Variants in MPPED1 observed in about 807,000 individuals in gnomAD.
The protein encoded by MPPED1 is metallophosphoesterase domain-containing protein 1.
In MPPED1, 16 loss-of-function variants were observed where a neutral mutation model predicts 36.2. The ratio of observed to expected loss-of-function variants is 0.44; its 90% CI spans 0.30 to 0.67. MPPED1 has a LOEUF of 0.67. Among genes scored for constraint, MPPED1 ranks in the 30% least tolerant of loss-of-function variants. MPPED1 has a pLI of 0.10. For synonymous variants in MPPED1, 199 were observed against 191.3 expected (o/e 1.04, Z -0.33); for missense variants, 307 against 453.4 (o/e 0.68, Z 2.93).
rs565547773 is a variant in MPPED1 at position 43,416,191 on chromosome 22, T to C, written c.-79+4033T>C. On this transcript the variant is annotated intron_variant, in intron 1 of 6. Coordinates refer to ENST00000443721, the MANE Select transcript of MPPED1 (RefSeq NM_001044370.2). ...TGGGTTCCCTGCACAATGCAGTGGT[T>C]GGGGGCTGGTGAGAATGGAGTTTTG... 2.0e-5 allele frequency among the ~76,000 whole-genome samples: 3 copies of C among 152,350 alleles called. No homozygotes were observed. The South Asian group carries it at 6.2e-4, about 32-fold the overall frequency.
chr22:43,451,718 C>T (rs2146854753), intron 3 of MPPED1, among the ~76,000 whole-genome samples: 1 of 152,360 alleles, frequency 6.6e-6, no homozygotes, highest in East Asian at 1.9e-4. Flanking sequence ...GCCGCACCCC[C>T]TTAAAACTCT....
intron 3 of MPPED1, among the ~76,000 whole-genome samples, chr22:43,437,280 A>T (rs12160442): frequency 4.6e-5 from 7 of 152,092 alleles, no homozygotes; most frequent in Non-Finnish European, 8.8e-5. Flanking sequence ...CGTTTTTTCT[A>T]TGAAGCTCAG....
intron 3 of MPPED1, among the ~76,000 whole-genome samples, chr22:43,446,613 G>C (rs1250438570): frequency 1.3e-5 from 2 of 152,318 alleles, no homozygotes; most frequent in Non-Finnish European, 2.9e-5. Flanking sequence ...ACTGAGTCCA[G>C]ATGGGGGATG....
chr22:43,485,310 ACATATT>A (rs2146897774), intron 4 of MPPED1, among the ~76,000 whole-genome samples: 1 of 152,038 alleles, frequency 6.6e-6, no homozygotes, highest in Admixed American at 6.5e-5. Flanking sequence ...ACAACCACAC[ACATATT>A]CATAGACACA....
intron 2 of MPPED1, among the ~76,000 whole-genome samples, chr22:43,426,004 G>A (rs562447560): frequency 2.6e-5 from 4 of 152,262 alleles, no homozygotes; most frequent in African/African-American, 4.8e-5. Context: ...AGAGGTGGTC[G>A]AGCTCCTGGC....
At chr22:43,455,185 C>T (rs770771465) in intron 3 of MPPED1, among the ~76,000 whole-genome samples, 2 of 144,710 alleles carry the variant, frequency 1.4e-5, no homozygotes, top group Non-Finnish European at 3.0e-5. Context: ...TCTCGGCCCA[C>T]AGCAACCTCT....
At chr22:43,469,427 C>T (rs1366288079) in intron 3 of MPPED1, among the ~76,000 whole-genome samples, 1 of 36,688 alleles carries the variant, frequency 2.7e-5, no homozygotes, top group Non-Finnish European at 7.1e-5. Flanking sequence ...GCAAGCGAGC[C>T]TCTAATGATT....
intron 3 of MPPED1, among the ~76,000 whole-genome samples, chr22:43,436,600 C>T (rs1268299689): frequency 6.6e-6 from 1 of 152,266 alleles, no homozygotes; most frequent in Non-Finnish European, 1.5e-5. Context: ...GGGATTCTCC[C>T]CTTGCCCACA....
At chr22:43,433,435 T>C (rs1929836576) in intron 2 of MPPED1, among the ~76,000 whole-genome samples, 1 of 43,040 alleles carries the variant, frequency 2.3e-5, no homozygotes, top group Non-Finnish European at 6.7e-5. Context: ...TTGTATTCAG[T>C]GAATGAGTGA....
At position 43,424,971 on chromosome 22, in the gene MPPED1, G is replaced by A. The variant is rs761411620; in HGVS notation, c.-15G>A. On this transcript the variant is annotated 5_prime_UTR_variant, in exon 2 of 7. Transcript: ENST00000443721. Reference sequence around the variant, plus strand: ...CGGCAGCGGTGGGAGATGCCGGGGCGGCCGGCGGAGGTCCATGTGGCGCTC... The same window carrying A: ...CGGCAGCGGTGGGAGATGCCGGGGCAGCCGGCGGAGGTCCATGTGGCGCTC... The A allele has an allele frequency of 8.9e-6, 14 of 1,567,152 alleles. No homozygotes were observed. The highest frequency in any genetic ancestry group is 8.1e-5 in the African/African-American group (6 of 73,710).
At chr22:43,436,526 C>T (rs1000054780) in intron 3 of MPPED1, among the ~76,000 whole-genome samples, 6 of 152,256 alleles carry the variant, frequency 3.9e-5, no homozygotes, top group Non-Finnish European at 7.3e-5. Context: ...AAATTCTAAT[C>T]AAAGGCCCTG....
chr22:43,461,750 T>C (rs1168942026), intron 3 of MPPED1, among the ~76,000 whole-genome samples: 1 of 152,216 alleles, frequency 6.6e-6, no homozygotes, highest in Non-Finnish European at 1.5e-5. Flanking sequence ...GTCTAAGTGG[T>C]TGTGACTGAG....
intron 3 of MPPED1, among the ~76,000 whole-genome samples, chr22:43,443,910 T>C (rs907988536): frequency 6.6e-6 from 1 of 152,210 alleles, no homozygotes; most frequent in African/African-American, 2.4e-5. Flanking sequence ...CCAGGGATTT[T>C]GGTTGCGTAC....
intron 3 of MPPED1, among the ~76,000 whole-genome samples, chr22:43,441,118 C>T (rs1182619322): frequency 6.6e-6 from 1 of 152,142 alleles, no homozygotes; most frequent in African/African-American, 2.4e-5. Context: ...TACAAAACAC[C>T]TCCTCCTGGG....
At position 43,498,488 on chromosome 22, in the gene MPPED1, G is replaced by A. The variant is rs1302371609; in HGVS notation, c.748+138G>A. 13 of 606,434 alleles carry A rather than the reference G, an allele frequency of 2.1e-5. No individual in the cohort carries two copies. In the East Asian group the frequency reaches 3.0e-4, roughly 14 times the overall value. 37.6% of individuals were successfully genotyped at this position (606,434 alleles called of 1,614,324 possible). A position where few individuals can be genotyped will look rare whatever the true frequency, so the allele number is the denominator to read the frequency against. ...CCACTTGCTGGGGCACTGAGGACAC[G>A]TCGCCCCATGGTCCCTCTTATTTCC... is the stretch of plus-strand genomic sequence containing the variant. On this transcript the variant is annotated intron_variant, in intron 5 of 6. Transcript: ENST00000443721.
At chr22:43,449,023 T>G (rs1463206989) in intron 3 of MPPED1, among the ~76,000 whole-genome samples, 1 of 151,922 alleles carries the variant, frequency 6.6e-6, no homozygotes, top group African/African-American at 2.4e-5. Context: ...TCCAAGACGG[T>G]TTTGATATTT....
chr22:43,458,356 G>T (rs571189623), intron 3 of MPPED1, among the ~76,000 whole-genome samples: 73 of 151,920 alleles, frequency 4.8e-4, no homozygotes, highest in African/African-American at 1.5e-3. Context: ...TGTGATCTCG[G>T]CTCACTGCAA....
At chr22:43,501,618 A>G (rs971626702) in intron 5 of MPPED1, among the ~76,000 whole-genome samples, 1 of 152,138 alleles carries the variant, frequency 6.6e-6, no homozygotes, top group Non-Finnish European at 1.5e-5. Context: ...TCCAGAAGTG[A>G]AGAAGGATCC....
chr22:43,446,098 T>G (rs1569072508), intron 3 of MPPED1, among the ~76,000 whole-genome samples: 1 of 151,972 alleles, frequency 6.6e-6, no homozygotes, highest in Non-Finnish European at 1.5e-5. Context: ...CTCGAACTCC[T>G]GGGCTCAAGC....
Sources: gnomAD v4.1 joint callset for allele counts (sites outside exome capture counted in the v4.1 genomes callset) on GRCh38, gnomAD v4.1.1 for gene constraint, MANE v1.5 for transcripts, NCBI Gene and HGNC (gene_info 2026-07-23, HGNC 2026-07-21) for gene names.